SLMAP: variants seen among roughly 807,000 people sequenced by gnomAD.
SLMAP encodes sarcolemmal membrane-associated protein.
Under a neutral mutation model 128.8 loss-of-function variants are expected in SLMAP, and 44 were observed. The observed-to-expected ratio is 0.34, with a 90% CI of 0.27 to 0.44. SLMAP has a LOEUF of 0.44. Ranked by LOEUF, SLMAP falls within the 20% of genes least tolerant of loss-of-function variation. SLMAP has a pLI of 1.00. For missense variants in SLMAP, 787 were observed against 985.3 expected, an observed-to-expected ratio of 0.80 and a Z score of 2.69; for synonymous variants, 327 against 348.8, an observed-to-expected ratio of 0.94 and a Z score of 0.70.
At chr3:57,898,476 G>A (rs953352992) in intron 17 of SLMAP, 5 of 152,068 alleles carry the variant, frequency 3.3e-5, no homozygotes, top group African/African-American at 1.2e-4. Context: ...CATAGTAGGT[G>A]TATATATTTA....
Position 57,925,859 on chromosome 3 carries a change from A to T in SLMAP, c.2460A>T (p.Gln820His). ...REKGNNPSIL[Q>H]PVPAVFIGLF... The stretch of plus-strand genomic sequence containing the variant: ...CCCTTCTTTAGCCTTCCATATTACA[A>T]CCCGTCCCAGCCGTATTCATCGGCC... Residue 820 changes from glutamine (Q) to histidine (H), a missense_variant, in exon 24 of 25, where the codon CAA (glutamine) becomes CAT (histidine). Transcript: ENST00000671191. 1 of 1,550,432 alleles carries T rather than the reference A, an allele frequency of 6.4e-7. No homozygotes were observed. Among genetic ancestry groups the T allele is most frequent in the Middle Eastern group, 1.7e-4 (1 of 5,998 alleles).
chr3:57,824,793 G>A (rs2092797008), intron 2 of SLMAP, among the ~76,000 whole-genome samples: 1 of 152,090 alleles, frequency 6.6e-6, no homozygotes, highest in Non-Finnish European at 1.5e-5. Flanking sequence ...AGAAAAGGTG[G>A]TCATTGGAAT....
intron 22 of SLMAP, among the ~76,000 whole-genome samples, chr3:57,921,543 T>C (rs971354150): frequency 6.6e-6 from 1 of 151,936 alleles, no homozygotes; most frequent in Non-Finnish European, 1.5e-5. Context: ...GGAGAATCAC[T>C]TGAACCTGGG....
chr3:57,916,890 A>G lies in SLMAP; in HGVS notation c.2139-16A>G, dbSNP rs752677684. The G allele has an allele frequency of 8.7e-6, 14 of 1,603,306 alleles. 1 individual carries two copies. In the Admixed American group the frequency reaches 2.3e-4, roughly 27 times the overall value. Reference sequence around the variant, plus strand: ...TTCTACCTGTGAATAACTATCTGTCAATATTTATATTGCAGTTCTCAGAAG... The same window carrying G: ...TTCTACCTGTGAATAACTATCTGTCGATATTTATATTGCAGTTCTCAGAAG... On this transcript the variant is annotated splice_polypyrimidine_tract_variant and intron_variant, in intron 21 of 24. Coordinates refer to ENST00000671191, the MANE Select transcript of SLMAP (RefSeq NM_001377540.1).
chr3:57,879,685 G>A (rs762885786), intron 14 of SLMAP, among the ~76,000 whole-genome samples: 1 of 152,192 alleles, frequency 6.6e-6, no homozygotes, highest in East Asian at 1.9e-4. Context: ...GCTCATGCCT[G>A]TAATCCCAGC....
Position 57,921,105 on chromosome 3 carries a change from T to C in SLMAP, c.2311-1784T>C, listed in dbSNP as rs149446589. On this transcript the variant is annotated intron_variant, in intron 22 of 24. Transcript: ENST00000671191. ...CAGAACAATCTCTGTTCTTTGACTGTGAGCCCAGTTTGCGTGTAAGATGCT... is the reference window on the plus strand; with the variant it reads ...CAGAACAATCTCTGTTCTTTGACTGCGAGCCCAGTTTGCGTGTAAGATGCT... Among the ~76,000 whole-genome samples, 264 of 152,128 alleles carry C rather than the reference T, an allele frequency of 1.7e-3. 1 individual carries two copies. The highest frequency in any genetic ancestry group is 6.1e-3 in the African/African-American group (253 of 41,504).
At chr3:57,890,197 C>A in intron 15 of SLMAP, 97 bp downstream of exon 15, 1 of 1,100,762 alleles carries the variant, frequency 9.1e-7, no homozygotes, top group South Asian at 1.4e-5. Context: ...CATCAGTTTA[C>A]TTCTTATAGC....
intron 2 of SLMAP, among the ~76,000 whole-genome samples, chr3:57,807,458 A>G (rs1267806005): frequency 6.6e-6 from 1 of 152,184 alleles, no homozygotes; most frequent in African/African-American, 2.4e-5. Context: ...ATTTTGAGAT[A>G]TGTGCCATCA....
chr3:57,854,904 T>C (rs2094696070), intron 6 of SLMAP, among the ~76,000 whole-genome samples: 1 of 152,218 alleles, frequency 6.6e-6, no homozygotes, highest in South Asian at 2.1e-4. Flanking sequence ...ACATTATACA[T>C]TGTACTTACA....
intron 15 of SLMAP, chr3:57,891,316 T>G (rs1410968506): frequency 6.6e-6 from 1 of 152,208 alleles, no homozygotes. Flanking sequence ...TTATCATTAT[T>G]GGAAAAGTTT....
Position 57,888,649 on chromosome 3 carries a change from T to C in SLMAP, c.1301-1392T>C, listed in dbSNP as rs367860667. Among the ~76,000 whole-genome samples, 55 of 151,380 alleles carry C rather than the reference T, an allele frequency of 3.6e-4. No individual in the cohort carries two copies. In the South Asian group the frequency reaches 8.3e-3, roughly 23 times the overall value. ...AAATAGTGATTATAGATTGACAAAATGCAACTCTTGAGGATGGTAGTAGAA... is the reference window on the plus strand; with the variant it reads ...AAATAGTGATTATAGATTGACAAAACGCAACTCTTGAGGATGGTAGTAGAA... On this transcript the variant is annotated intron_variant, in intron 14 of 24. Coordinates refer to ENST00000671191, the MANE Select transcript of SLMAP (RefSeq NM_001377540.1).
intron 9 of SLMAP, 59 bp downstream of exon 9, chr3:57,860,898 G>A (rs1371079947): frequency 1.4e-6 from 2 of 1,379,390 alleles, no homozygotes; most frequent in African/African-American, 1.5e-5. Context: ...AAAATCTCAA[G>A]CATTCCAGGA....
intron 19 of SLMAP, 60 bp downstream of exon 19, chr3:57,909,210 A>C: frequency 7.7e-7 from 1 of 1,296,638 alleles, no homozygotes; most frequent in Non-Finnish European, 1.1e-6. Flanking sequence ...TAGTGATTCA[A>C]AAGGAATGGA....
In SLMAP at chr3:57,864,629, G is replaced by A. The variant is rs1205218778; in HGVS notation, c.1048G>A (p.Glu350Lys). Residue 350 changes from glutamate to lysine, a missense_variant, in exon 11 of 25, where the codon GAA (glutamate) becomes AAA (lysine). By Grantham distance (56) the Glu-to-Lys change is moderately conservative. Around this residue, in one of 2 missense-constraint regions of SLMAP, gnomAD observed 715 missense variants for 843.6 expected, o/e 0.85. Coordinates refer to ENST00000671191, the MANE Select transcript of SLMAP (RefSeq NM_001377540.1). ...KELQHKIDEM[E>K]EKEQELQAKI... ...ATTACAACATAAAATAGATGAAATGGAAGAAAAAGAACAGGAGCTCCAGGC... is the reference window on the plus strand; with the variant it reads ...ATTACAACATAAAATAGATGAAATGAAAGAAAAAGAACAGGAGCTCCAGGC... 11 of 1,596,708 alleles carry A rather than the reference G, an allele frequency of 6.9e-6. No individual in the cohort carries two copies. Among genetic ancestry groups the A allele is most frequent in the Non-Finnish European group, 8.5e-6 (10 of 1,175,264 alleles).
intron 14 of SLMAP, 52 bp downstream of exon 14, chr3:57,871,750 C>T (rs1291109673): frequency 2.2e-6 from 3 of 1,373,782 alleles, no homozygotes; most frequent in Non-Finnish European, 2.1e-6. Context: ...GGGGCTAAAA[C>T]TTAAAAGTGA....
rs1225749445 is a variant in SLMAP at position 57,864,839 on chromosome 3, A to G, written c.1168A>G (p.Lys390Glu). Residue 390 changes from lysine to glutamate, a missense_variant, in exon 12 of 25, where the codon AAA becomes GAA. Physicochemically the swap from Lys to Glu is moderately conservative, Grantham distance 56. Around this residue, in one of 2 missense-constraint regions of SLMAP, gnomAD observed 715 missense variants for 843.6 expected, o/e 0.85. Transcript: ENST00000671191. ...AGAACATCTTCAGGAGAAAACTCTT[A>G]AAGAATGCAGCAGCTTGGGTAGGTG... ...RLEHLQEKTL[K>E]ECSSLGIQVD... 6.3e-7 allele frequency: 1 copy of G among 1,585,762 alleles called. No individual in the cohort carries two copies. Among genetic ancestry groups the G allele is most frequent in the African/African-American group, 1.4e-5 (1 of 73,100 alleles).
chr3:57,891,587 T>C (rs1314691257), intron 15 of SLMAP, among the ~76,000 whole-genome samples: 1 of 152,066 alleles, frequency 6.6e-6, no homozygotes, highest in Non-Finnish European at 1.5e-5. Context: ...CTTTTTTTTT[T>C]TTCCTTGAGA....
At chr3:57,818,744 A>G (rs2092204873) in intron 2 of SLMAP, among the ~76,000 whole-genome samples, 1 of 152,244 alleles carries the variant, frequency 6.6e-6, no homozygotes, top group Non-Finnish European at 1.5e-5. Flanking sequence ...GAAATCAGCA[A>G]TGCTTTTAAA....
intron 2 of SLMAP, among the ~76,000 whole-genome samples, chr3:57,803,030 TA>T (rs2088934442): frequency 6.6e-6 from 1 of 152,228 alleles, no homozygotes; most frequent in Admixed American, 6.5e-5. Flanking sequence ...TGAAAAGTTC[TA>T]AACTATGCAG....
Sources: gnomAD v4.1 joint callset for allele counts (sites outside exome capture counted in the v4.1 genomes callset) on GRCh38, gnomAD v4.1.1 for gene constraint, gnomAD v4.1.1 regional missense constraint, MANE v1.5 for transcripts, NCBI Gene and HGNC (gene_info 2026-07-23, HGNC 2026-07-21) for gene names.